Variants in MCUB observed in about 807,000 individuals in gnomAD.
MCUB encodes mitochondrial calcium uniporter dominant negative subunit beta.
A neutral mutation model predicts 41.4 loss-of-function variants in MCUB; 46 were observed. The observed-to-expected ratio is 1.11, with a 90% confidence interval of 0.88 to 1.42. The LOEUF (loss-of-function observed/expected upper bound fraction) is 1.42, where lower values mean the gene tolerates loss of function less well. MCUB is among the 40% of genes most tolerant of loss of function. The pLI is 0.00. For synonymous variants in MCUB, 148 were observed against 148.2 expected, an observed-to-expected ratio of 1.00 and a Z score of 0.01; for missense variants, 403 against 404.9, an observed-to-expected ratio of 1.00 and a Z score of 0.04.
chr4:109,582,221 T>C (rs1451705188), intron 1 of MCUB, among the ~76,000 whole-genome samples: 1 of 151,882 alleles, frequency 6.6e-6, no homozygotes, highest in Non-Finnish European at 1.5e-5. Flanking sequence ...GTTCATGTCC[T>C]TTGTAGGGAC....
intron 5 of MCUB, among the ~76,000 whole-genome samples, chr4:109,683,546 T>C (rs1044003811): frequency 8.5e-5 from 13 of 152,228 alleles, no homozygotes; most frequent in African/African-American, 3.1e-4. Flanking sequence ...TCCACACTTA[T>C]GAATCATTTC....
intron 1 of MCUB, among the ~76,000 whole-genome samples, chr4:109,597,736 ACCCCCCCACCTCCCTCCCGGACGG>A (rs1727607797): frequency 8.0e-6 from 1 of 124,354 alleles, no homozygotes; most frequent in African/African-American, 3.6e-5. Context: ...CGGGGGGCTG[ACCCCCCCACCTCCCTCCCGGACGG>A]GGTGGCTGCC....
intron 1 of MCUB, chr4:109,648,792 C>T (rs1728895964): frequency 3.1e-6 from 1 of 318,662 alleles, no homozygotes; most frequent in Non-Finnish European, 6.0e-6. Context: ...TCATGATGCA[C>T]CACAGGATGT....
intron 1 of MCUB, among the ~76,000 whole-genome samples, chr4:109,616,350 G>T (rs1196105677): frequency 1.3e-5 from 2 of 152,094 alleles, no homozygotes; most frequent in Non-Finnish European, 2.9e-5. Context: ...CCTGACTAAT[G>T]TACCTTCCAC....
intron 1 of MCUB, among the ~76,000 whole-genome samples, chr4:109,564,356 T>G (rs1266918133): frequency 6.6e-6 from 1 of 151,480 alleles, no homozygotes. Flanking sequence ...GCCAAGATGG[T>G]CTCGATCTCC....
chr4:109,658,816 A>G (rs1729162591), intron 1 of MCUB, among the ~76,000 whole-genome samples, 195 bp from the exon 2 acceptor site: 1 of 152,102 alleles, frequency 6.6e-6, no homozygotes, highest in South Asian at 2.1e-4. Context: ...TACAGCATAC[A>G]TAGTAGCAGG....
At chr4:109,644,113 A>T (rs1260439850) in intron 1 of MCUB, among the ~76,000 whole-genome samples, 1 of 152,214 alleles carries the variant, frequency 6.6e-6, no homozygotes, top group East Asian at 1.9e-4. Flanking sequence ...AAAGATAAAA[A>T]AATTGAGGCT....
intron 4 of MCUB, among the ~76,000 whole-genome samples, chr4:109,664,875 G>A (rs1729310415): frequency 6.6e-6 from 1 of 151,994 alleles, no homozygotes; most frequent in Admixed American, 6.6e-5. Flanking sequence ...ACATTATTGG[G>A]TTAAGAGAGA....
At chr4:109,607,209 TTTTCTTTCTTTC>T (rs142787512) in intron 1 of MCUB, among the ~76,000 whole-genome samples, 2 of 150,792 alleles carry the variant, frequency 1.3e-5, no homozygotes, top group South Asian at 4.2e-4. Context: ...ATTAACATCC[TTTTCTTTCTTTC>T]TTTCTTTCTT....
chr4:109,650,115 AAAGG>A (rs2126142379), intron 1 of MCUB, among the ~76,000 whole-genome samples: 1 of 152,312 alleles, frequency 6.6e-6, no homozygotes, highest in South Asian at 2.1e-4. Flanking sequence ...GTGTAAACTA[AAAGG>A]AAGACCTGAG....
At chr4:109,583,116 T>C (rs2126127067) in intron 1 of MCUB, among the ~76,000 whole-genome samples, 1 of 152,330 alleles carries the variant, frequency 6.6e-6, no homozygotes, top group South Asian at 2.1e-4. Context: ...ATTGATAGCT[T>C]GATGGGTATG....
intron 1 of MCUB, among the ~76,000 whole-genome samples, chr4:109,635,092 G>GGCT (rs1366285385): frequency 6.6e-6 from 1 of 152,054 alleles, no homozygotes; most frequent in African/African-American, 2.4e-5. Context: ...TGAGAATGAT[G>GGCT]GCTTCCAGCT....
intron 1 of MCUB, among the ~76,000 whole-genome samples, chr4:109,581,019 GA>G (rs1259222264): frequency 6.6e-6 from 1 of 152,026 alleles, no homozygotes; most frequent in African/African-American, 2.4e-5. Flanking sequence ...CAAAGAATTG[GA>G]AAAAAGTACT....
chr4:109,685,146 T>C lies in MCUB; in HGVS notation c.817-105T>C. ...CCATTGCAAATATTTCACTCATTCA[T>C]CTGCCTTCTTTTGCTTTGGTGTTGC... is the stretch of plus-strand genomic sequence containing the variant. On this transcript the variant is annotated intron_variant, in intron 6 of 7. Transcript: ENST00000394650. The C allele has an allele frequency of 4.8e-6, 3 of 623,468 alleles. No individual in the cohort carries two copies. In the South Asian group the frequency reaches 6.4e-5, roughly 13 times the overall value. The allele number at this position is 623,468 out of a possible 1,614,324, so 38.6% of individuals were successfully genotyped here. A position where few individuals can be genotyped will look rare whatever the true frequency, so the allele number is the denominator to read the frequency against.
chr4:109,605,127 A>G (rs1466883124), intron 1 of MCUB, among the ~76,000 whole-genome samples: 1 of 152,146 alleles, frequency 6.6e-6, no homozygotes, highest in Non-Finnish European at 1.5e-5. Flanking sequence ...GGTATAATTC[A>G]GCAGTGAAGC....
intron 1 of MCUB, among the ~76,000 whole-genome samples, chr4:109,581,751 T>C (rs1727181287): frequency 6.6e-6 from 1 of 152,170 alleles, no homozygotes; most frequent in African/African-American, 2.4e-5. Context: ...AAGAAGACAT[T>C]TATGCAGCCA....
chr4:109,572,616 G>A (rs1726939020), intron 1 of MCUB, among the ~76,000 whole-genome samples: 2 of 151,536 alleles, frequency 1.3e-5, no homozygotes, highest in Admixed American at 1.3e-4. Context: ...TCTAGTTCAG[G>A]GTATATTTAG....
intron 1 of MCUB, among the ~76,000 whole-genome samples, chr4:109,650,907 T>G (rs1728946676): frequency 6.6e-6 from 1 of 152,196 alleles, no homozygotes; most frequent in African/African-American, 2.4e-5. Flanking sequence ...TGTCTGGTAT[T>G]TCCTTGTGAT....
chr4:109,637,639 A>G (rs575886031), intron 1 of MCUB, among the ~76,000 whole-genome samples: 2 of 152,364 alleles, frequency 1.3e-5, no homozygotes, highest in South Asian at 4.1e-4. Context: ...CTCTAAGTGA[A>G]GTAACTCAGG....
Sources: allele counts gnomAD v4.1 joint callset (sites outside exome capture counted in the v4.1 genomes callset), GRCh38; gene constraint gnomAD v4.1.1; transcripts MANE v1.5; gene names NCBI Gene and HGNC (gene_info 2026-07-23, HGNC 2026-07-21).